The following LGSN variants were observed in gnomAD, a reference collection of about 807,000 sequenced individuals.
LGSN encodes lengsin, lens protein with glutamine synthetase domain.
A neutral mutation model predicts 19.5 loss-of-function variants in LGSN; 21 were observed. The observed-to-expected ratio is 1.07, with a 90% confidence interval of 0.76 to 1.55. The LOEUF is 1.55. Among genes scored for constraint, LGSN ranks in the 40% most tolerant of loss-of-function variants. LGSN has a pLI of 0.00. For missense variants in LGSN, 673 were observed against 608.5 expected, an observed-to-expected ratio of 1.11 and a Z score of -1.12; for synonymous variants, 257 against 215.6, an observed-to-expected ratio of 1.19 and a Z score of -1.68.
the LGSN span, among the ~76,000 whole-genome samples, chr6:63,538,068 A>G: frequency 6.6e-6 from 1 of 152,256 alleles, no homozygotes; most frequent in Non-Finnish European, 1.5e-5. Flanking sequence ...ATTATTTTGC[A>G]AAATAGTGGG....
the LGSN span, among the ~76,000 whole-genome samples, chr6:63,497,034 C>A: frequency 1.3e-5 from 2 of 151,954 alleles, no homozygotes; most frequent in Non-Finnish European, 2.9e-5. Context: ...GGTCTCACTC[C>A]ATTGTCCTCA....
chr6:63,310,879 A>G (rs1449395542), intron 1 of LGSN, among the ~76,000 whole-genome samples: 1 of 152,242 alleles, frequency 6.6e-6, no homozygotes, highest in Non-Finnish European at 1.5e-5. Context: ...GTGGTGAAGT[A>G]GAACTCTCTA....
In LGSN at chr6:63,276,977, A is replaced by C. The variant is rs1054627769; in HGVS notation, c.*3044T>G. The C allele has an allele frequency of 6.6e-6, 1 of 151,992 alleles. No individual in the cohort carries two copies. Among genetic ancestry groups the C allele is most frequent in the African/African-American group, 2.4e-5 (1 of 41,374 alleles). 9.4% of individuals were successfully genotyped at this position (151,992 alleles called of 1,614,324 possible). On this transcript the variant is annotated 3_prime_UTR_variant, in exon 4 of 4. Coordinates refer to ENST00000370657, the MANE Select transcript of LGSN (RefSeq NM_016571.3). ...GTTGCCTTAAAGAACAAGAATATACATCAGCACACACCTAACTGAAATCTT... is the reference window on the plus strand; with the variant it reads ...GTTGCCTTAAAGAACAAGAATATACCTCAGCACACACCTAACTGAAATCTT...
At chr6:63,528,240 C>A in the LGSN span, among the ~76,000 whole-genome samples, 1 of 152,190 alleles carries the variant, frequency 6.6e-6, no homozygotes, top group Non-Finnish European at 1.5e-5. Context: ...GTAACACAGA[C>A]AGCCATGGTG....
chr6:63,486,009 T>A, the LGSN span, among the ~76,000 whole-genome samples: 4 of 152,052 alleles, frequency 2.6e-5, no homozygotes, highest in Non-Finnish European at 4.4e-5. Context: ...GGATTACAGG[T>A]GTGAGCCACC....
At chr6:63,494,858 T>TA in the LGSN span, among the ~76,000 whole-genome samples, 1 of 152,242 alleles carries the variant, frequency 6.6e-6, no homozygotes, top group Non-Finnish European at 1.5e-5. Context: ...GACGTTCCAC[T>TA]AAATTAGATA....
At chr6:63,499,011 GT>G in the LGSN span, among the ~76,000 whole-genome samples, 1 of 152,012 alleles carries the variant, frequency 6.6e-6, no homozygotes, top group East Asian at 1.9e-4. Context: ...CATATTGATG[GT>G]TTCCCAAATC....
At chr6:63,457,885 A>AT in the LGSN span, among the ~76,000 whole-genome samples, 2 of 152,074 alleles carry the variant, frequency 1.3e-5, no homozygotes, top group Non-Finnish European at 2.9e-5. Context: ...TTTCAAATAA[A>AT]TAAATTAATT....
At chr6:63,532,211 A>C in the LGSN span, among the ~76,000 whole-genome samples, 1 of 152,262 alleles carries the variant, frequency 6.6e-6, no homozygotes, top group Non-Finnish European at 1.5e-5. Flanking sequence ...TGAAATTGTT[A>C]CTGAAATTTT....
the LGSN span, chr6:63,441,309 G>A: frequency 2.1e-6 from 1 of 469,190 alleles, no homozygotes; most frequent in Admixed American, 2.3e-5. Flanking sequence ...CCCACCAGCA[G>A]ACTTGGGCCG....
chr6:63,551,115 G>C, the LGSN span, among the ~76,000 whole-genome samples: 7 of 152,006 alleles, frequency 4.6e-5, no homozygotes, highest in Non-Finnish European at 1.0e-4. Flanking sequence ...GCCCAGGCTG[G>C]AGCACAGTTG....
At chr6:63,505,443 C>A in the LGSN span, among the ~76,000 whole-genome samples, 4 of 149,730 alleles carry the variant, frequency 2.7e-5, no homozygotes, top group South Asian at 6.3e-4. Flanking sequence ...CCAGGTGTGG[C>A]GGCACATACC....
At chr6:63,444,979 C>T in the LGSN span, among the ~76,000 whole-genome samples, 2 of 152,158 alleles carry the variant, frequency 1.3e-5, no homozygotes, top group African/African-American at 4.8e-5. Flanking sequence ...TGGGTAGCTT[C>T]CATGGAAAAG....
chr6:63,533,728 T>A, the LGSN span, among the ~76,000 whole-genome samples: 1 of 152,152 alleles, frequency 6.6e-6, no homozygotes, highest in Non-Finnish European at 1.5e-5. Context: ...GAAGGAGGCA[T>A]ATAGACTAAT....
the LGSN span, among the ~76,000 whole-genome samples, chr6:63,479,050 A>G: frequency 1.3e-5 from 2 of 152,230 alleles, no homozygotes; most frequent in South Asian, 2.1e-4. Context: ...CCCTTTATCC[A>G]TAACTCACTG....
chr6:63,379,123 C>A, the LGSN span, among the ~76,000 whole-genome samples: 1 of 151,972 alleles, frequency 6.6e-6, no homozygotes, highest in Non-Finnish European at 1.5e-5. Flanking sequence ...TCCATTGTCA[C>A]CCCCATCCCT....
the LGSN span, among the ~76,000 whole-genome samples, chr6:63,573,050 G>T: frequency 6.6e-6 from 1 of 152,088 alleles, no homozygotes; most frequent in African/African-American, 2.4e-5. Flanking sequence ...CTTCCGCAGC[G>T]GGCCGGGTGG....
At chr6:63,516,890 G>C in the LGSN span, among the ~76,000 whole-genome samples, 4 of 152,154 alleles carry the variant, frequency 2.6e-5, no homozygotes, top group African/African-American at 9.7e-5. Context: ...AGCTATATGT[G>C]CCAGAGGTAT....
At chr6:63,293,554 G>A (rs9343928) in intron 2 of LGSN, 40,258 of 289,956 alleles carry the variant, frequency 0.14, 3,538 homozygotes, top group Admixed American at 0.27. Flanking sequence ...TCTGACTCCC[G>A]GGCTAGTATT....
Sources: allele counts gnomAD v4.1 joint callset (sites outside exome capture counted in the v4.1 genomes callset), GRCh38; gene constraint gnomAD v4.1.1; transcripts MANE v1.5; gene names NCBI Gene and HGNC (gene_info 2026-07-23, HGNC 2026-07-21).